AURKC: variants seen among roughly 807,000 people sequenced by gnomAD.
AURKC encodes the protein aurora kinase C.
A neutral mutation model predicts 29.2 loss-of-function variants in AURKC; 15 were observed. The observed-to-expected ratio is 0.51, with a 90% CI of 0.34 to 0.79. AURKC has a LOEUF of 0.79. Ranked by LOEUF, AURKC falls within the 30% of genes least tolerant of loss-of-function variation. The pLI, the probability that AURKC is intolerant of heterozygous loss-of-function variation, is 0.01. For missense variants in AURKC, 332 were observed against 383.2 expected (o/e 0.87, Z 1.12); for synonymous variants, 150 against 149.9 (o/e 1.00, Z -0.01).
chr19:57,235,049 C>T lies in AURKC; in HGVS notation c.750C>T (p.Arg250=), dbSNP rs756526106. ...ESASHSETYR[R]ILKVDVRFPL... is the part of the protein sequence containing the mutation. ...CCTCCCACAGTGAGACTTACAGACG[C>T]ATCCTCAAGGTGGGACAGTCACCTT... The change falls in exon 6 of 7, where the codon CGC becomes CGT. Residue 250 remains arginine, a synonymous_variant. Transcript: ENST00000302804. 9.9e-6 allele frequency: 16 copies of T among 1,614,148 alleles called. No homozygotes were observed. The Admixed American group carries it at 2.7e-4, about 27-fold the overall frequency.
chr19:57,233,680 GT>G lies in AURKC; in HGVS notation c.584+73del, dbSNP rs1319983975. ...AATGACCCAGTTTAATGTATTTCAT[GT>G]GTCCATGTGTAAAACCTAGATACGA... On this transcript the variant is annotated intron_variant, in intron 5 of 6. Coordinates refer to ENST00000302804, the MANE Select transcript of AURKC (RefSeq NM_001015878.2). 1.0e-5 allele frequency: 16 copies of G among 1,599,298 alleles called. No individual in the cohort carries two copies. In the African/African-American group the frequency reaches 2.1e-4, roughly 21 times the overall value.
intron 1 of AURKC, 134 bp downstream of exon 1, chr19:57,231,440 C>T (rs540661582): frequency 2.0e-6 from 2 of 1,002,706 alleles, no homozygotes; most frequent in South Asian, 2.8e-5. Context: ...CTCCCCACTC[C>T]CTCCCTTCCC....
rs757362645 is a variant in AURKC, at chr19:57,232,267, G to C, written c.296+43G>C. 3 of 1,607,792 alleles carry C rather than the reference G, an allele frequency of 1.9e-6. No homozygotes were observed. The East Asian group carries it at 6.7e-5, about 36-fold the overall frequency. ...TTCCTCTTTCATCTTTGACGTCTGA[G>C]CCCAGCATTTTCCCCAAATACTAAC... is the stretch of plus-strand genomic sequence containing the variant. On this transcript the variant is annotated intron_variant, in intron 3 of 6. Transcript: ENST00000302804. The surrounding 1 kb of genome is among the most constrained non-coding windows in gnomAD (Gnocchi z 4.5).
rs1049635989 is a variant in AURKC, at chr19:57,232,538, T to G, written c.297-4T>G. On this transcript the variant is annotated splice_polypyrimidine_tract_variant and splice_region_variant and intron_variant, in intron 3 of 6. Transcript: ENST00000302804. The surrounding 1 kb of genome is among the most constrained non-coding windows in gnomAD (Gnocchi z 4.5). ...ATCTGACTCTTCCAACATTAATCCT[T>G]CAGACACCCCAATATCCTGCGCCTG... 5 of 1,614,056 alleles carry G rather than the reference T, an allele frequency of 3.1e-6. No individual in the cohort carries two copies. In the African/African-American group the frequency reaches 6.7e-5, roughly 22 times the overall value.
At chr19:57,231,549 A>AC in intron 1 of AURKC, 193 bp from the exon 2 acceptor site, 1 of 711,826 alleles carries the variant, frequency 1.4e-6, no homozygotes, top group South Asian at 1.7e-5. Flanking sequence ...ACCTTACCTT[A>AC]CTCTTTCTTC....
In AURKC at chr19:57,234,973, T is replaced by C. The variant is rs1429695197; in HGVS notation, c.674T>C (p.Ile225Thr). Residue 225 changes from isoleucine (I) to threonine (T), a missense_variant, in exon 6 of 7, where the codon ATT (isoleucine) becomes ACT (threonine). Coordinates refer to ENST00000302804, the MANE Select transcript of AURKC (RefSeq NM_001015878.2). Reference sequence around the variant, plus strand: ...GATGAAAAGGTGGATTTGTGGTGCATTGGAGTGCTCTGCTATGAGCTGCTG... The same window carrying C: ...GATGAAAAGGTGGATTTGTGGTGCACTGGAGTGCTCTGCTATGAGCTGCTG... ...TYDEKVDLWC[I>T]GVLCYELLVG... The C allele has an allele frequency of 2.5e-6, 4 of 1,614,052 alleles. No individual in the cohort carries two copies. The highest frequency in any genetic ancestry group is 3.4e-6 in the Non-Finnish European group (4 of 1,180,038).
In AURKC at chr19:57,234,905, A is replaced by G; in HGVS notation, c.606A>G (p.Thr202=). 6.2e-7 allele frequency: 1 copy of G among 1,614,174 alleles called. No homozygotes were observed. The highest frequency in any genetic ancestry group is 8.5e-7 in the Non-Finnish European group (1 of 1,180,036). ...CTAGGAGGAAGACAATGTGTGGGAC[A>G]CTGGACTACTTGCCGCCAGAAATGA... ...PSLRRKTMCG[T]LDYLPPEMIE... The change falls in exon 6 of 7, where the codon ACA becomes ACG. Residue 202 remains threonine (T), a synonymous_variant. Coordinates refer to ENST00000302804, the MANE Select transcript of AURKC (RefSeq NM_001015878.2).
At chr19:57,233,197 T>A (rs1174015554) in intron 4 of AURKC, among the ~76,000 whole-genome samples, 1 of 152,210 alleles carries the variant, frequency 6.6e-6, no homozygotes, top group Non-Finnish European at 1.5e-5. Context: ...TGGCTCAATG[T>A]AGGTTCTATG....
In AURKC at chr19:57,232,415, C is replaced by T. The variant is rs997735914; in HGVS notation, c.297-127C>T. 11 of 1,502,770 alleles carry T rather than the reference C, an allele frequency of 7.3e-6. No homozygotes were observed. The highest frequency in any genetic ancestry group is 9.2e-6 in the Non-Finnish European group (10 of 1,088,100). The allele number at this position is 1,502,770 out of a possible 1,614,324, so 93.1% of individuals were successfully genotyped here. ...CTGTTCTCCGTTCTCCCCTCACTTG[C>T]TCCCAGATAGGGCTGTTGTTATTCT... On this transcript the variant is annotated intron_variant, in intron 3 of 6. Transcript: ENST00000302804. This position sits in a 1 kb window ranked among gnomAD's most constrained non-coding sequence, Gnocchi z 4.5.
At position 57,231,146 on chromosome 19, in the gene AURKC, G is replaced by GC. The variant is rs74179426; in HGVS notation, c.-99dup. ...CTGCAGGACGAGCAGGATTGGAAGC[G>GC]CCCCGGCCAGAAAGTGACCCCCCAC... On this transcript the variant is annotated 5_prime_UTR_variant, in exon 1 of 7. Transcript: ENST00000302804. 0.5 allele frequency: 740,816 copies of GC among 1,488,986 alleles called. 196,064 individuals carry two copies. Among genetic ancestry groups the GC allele is most frequent in the Non-Finnish European group, 0.52 (568,590 of 1,093,672 alleles). 92.2% of individuals were successfully genotyped at this position (1,488,986 alleles called of 1,614,324 possible). A position where few individuals can be genotyped will look rare whatever the true frequency, so the allele number is the denominator to read the frequency against.
chr19:57,231,468 C>T, intron 1 of AURKC, 162 bp downstream of exon 1: 1 of 859,626 alleles, frequency 1.2e-6, no homozygotes, highest in Non-Finnish European at 1.9e-6. Context: ...CTTTCTTTCA[C>T]CTCTCCCTCC....
rs2087502170 is a variant in AURKC, at chr19:57,232,407, C to G, written c.297-135C>G. The G allele has an allele frequency of 6.8e-7, 1 of 1,479,336 alleles. No homozygotes were observed. The allele number at this position is 1,479,336 out of a possible 1,614,324, so 91.6% of individuals were successfully genotyped here. A position where few individuals can be genotyped will look rare whatever the true frequency, so the allele number is the denominator to read the frequency against. On this transcript the variant is annotated intron_variant, in intron 3 of 6. Transcript: ENST00000302804. This position sits in a 1 kb window ranked among gnomAD's most constrained non-coding sequence, Gnocchi z 4.5. ...CCTGGTTCCTGTTCTCCGTTCTCCC[C>G]TCACTTGCTCCCAGATAGGGCTGTT...
intron 4 of AURKC, 109 bp from the exon 5 acceptor site, chr19:57,233,351 T>C (rs1041588388): frequency 9.8e-6 from 15 of 1,522,896 alleles, no homozygotes; most frequent in Non-Finnish European, 1.4e-5. Context: ...ATGGAGTTAC[T>C]GGACCAAAAA....
rs2087502268 is a variant in AURKC, at chr19:57,232,421, G to A, written c.297-121G>A. On this transcript the variant is annotated intron_variant, in intron 3 of 6. Coordinates refer to ENST00000302804, the MANE Select transcript of AURKC (RefSeq NM_001015878.2). The surrounding 1 kb of genome is among the most constrained non-coding windows in gnomAD (Gnocchi z 4.5). ...TCCGTTCTCCCCTCACTTGCTCCCA[G>A]ATAGGGCTGTTGTTATTCTGGTCCC... 1 of 1,524,048 alleles carries A rather than the reference G, an allele frequency of 6.6e-7. No homozygotes were observed. The highest frequency in any genetic ancestry group is 9.0e-7 in the Non-Finnish European group (1 of 1,106,676). 94.4% of individuals were successfully genotyped at this position (1,524,048 alleles called of 1,614,324 possible). A position where few individuals can be genotyped will look rare whatever the true frequency, so the allele number is the denominator to read the frequency against.
chr19:57,235,190 G>A, intron 6 of AURKC, 57 bp from the exon 7 acceptor site: 10 of 1,611,650 alleles, frequency 6.2e-6, no homozygotes, highest in African/African-American at 1.3e-5. Flanking sequence ...AGAAGAGGGA[G>A]GACATTGATC....
In AURKC at chr19:57,235,357, C is replaced by G. The variant is rs769593496; in HGVS notation, c.870C>G (p.His290Gln). Reference protein sequence around the residue: ...ERLPLAQILKHPWVQAHSRRV... With the variant: ...ERLPLAQILKQPWVQAHSRRV... ...TGCCCCTGGCCCAGATCCTGAAGCA[C>G]CCCTGGGTTCAGGCCCACTCCCGAA... The change falls in exon 7 of 7, where the codon CAC becomes CAG. Residue 290 changes from histidine (H) to glutamine (Q), a missense_variant. Transcript: ENST00000302804. The G allele has an allele frequency of 1.2e-6, 2 of 1,614,166 alleles. No homozygotes were observed. Among genetic ancestry groups the G allele is most frequent in the Non-Finnish European group, 1.7e-6 (2 of 1,180,032 alleles).
In AURKC at chr19:57,232,627, C is replaced by T; in HGVS notation, c.382C>T (p.Leu128Phe). The T allele has an allele frequency of 6.2e-7, 1 of 1,614,126 alleles. No homozygotes were observed. Among genetic ancestry groups the T allele is most frequent in the Non-Finnish European group, 8.5e-7 (1 of 1,180,028 alleles). Reference sequence around the variant, plus strand: ...TCTGGAATATGCTCCAAGGGGTGAGCTCTACAAGGAGCTGCAGAAAAGCGA... The same window carrying T: ...TCTGGAATATGCTCCAAGGGGTGAGTTCTACAAGGAGCTGCAGAAAAGCGA... ...LILEYAPRGE[L>F]YKELQKSEKL... The change falls in exon 4 of 7, where the codon CTC (leucine) becomes TTC (phenylalanine). Residue 128 changes from leucine to phenylalanine, a missense_variant. By Grantham distance (22) the Leu-to-Phe change is conservative. Transcript: ENST00000302804. The surrounding 1 kb of genome is among the most constrained non-coding windows in gnomAD (Gnocchi z 4.5).
Position 57,231,061 on chromosome 19 carries a change from C to A in AURKC, c.-188C>A. 1 of 1,390,748 alleles carries A rather than the reference C, an allele frequency of 7.2e-7. No individual in the cohort carries two copies. Among genetic ancestry groups the A allele is most frequent in the Non-Finnish European group, 1.0e-6 (1 of 998,912 alleles). The allele number at this position is 1,390,748 out of a possible 1,614,324, so 86.2% of individuals were successfully genotyped here. A position where few individuals can be genotyped will look rare whatever the true frequency, so the allele number is the denominator to read the frequency against. ...CGGGTATAAAAGAAGGCCGCGCAGC[C>A]ACGGCTGCTCACGACGCCGCGGATC... On this transcript the variant is annotated 5_prime_UTR_variant, in exon 1 of 7. Transcript: ENST00000302804.
At position 57,231,293 on chromosome 19, in the gene AURKC, T is replaced by G. The variant is rs1319512332; in HGVS notation, c.45T>G (p.Pro15=). Residue 15 remains proline, a synonymous_variant, in exon 1 of 7, where the codon CCT becomes CCG. Coordinates refer to ENST00000302804, the MANE Select transcript of AURKC (RefSeq NM_001015878.2). The part of the protein sequence containing the change: ...RAVVQLGKAQ[P]AGEELATANQ... ...TGGTGCAGCTGGGCAAAGCTCAACC[T>G]GCAGGCGAAGAGTGTGAGAGCCAGC... The G allele has an allele frequency of 1.0e-5, 16 of 1,553,036 alleles. No homozygotes were observed. The highest frequency in any genetic ancestry group is 1.4e-5 in the African/African-American group (1 of 73,048).
Sources: gnomAD v4.1 joint callset for allele counts (sites outside exome capture counted in the v4.1 genomes callset) on GRCh38, gnomAD v4.1.1 for gene constraint, Gnocchi (gnomAD v3.1) non-coding constraint, MANE v1.5 for transcripts, NCBI Gene and HGNC (gene_info 2026-07-23, HGNC 2026-07-21) for gene names.